The following MCTP1 variants were observed in gnomAD, a reference collection of about 807,000 sequenced individuals.
MCTP1 encodes multiple C2 and transmembrane domain containing 1.
A neutral mutation model predicts 120.6 loss-of-function variants in MCTP1; 69 were observed. That is an observed-to-expected ratio of 0.57 (90% CI 0.47 to 0.70). The LOEUF (loss-of-function observed/expected upper bound fraction) is 0.70, where lower values mean the gene tolerates loss of function less well. Among genes scored for constraint, MCTP1 ranks in the 30% least tolerant of loss-of-function variants. The pLI is 0.00. For synonymous variants in MCTP1, 529 were observed against 493.1 expected, an observed-to-expected ratio of 1.07 and a Z score of -0.96; for missense variants, 1,203 against 1,248.8, an observed-to-expected ratio of 0.96 and a Z score of 0.55.
intron 19 of MCTP1, among the ~76,000 whole-genome samples, chr5:94,778,166 T>C (rs1345069719): frequency 6.6e-6 from 1 of 152,068 alleles, no homozygotes; most frequent in Non-Finnish European, 1.5e-5. Context: ...AATTAAAATA[T>C]ACTGTTTTCC....
In MCTP1 at chr5:95,226,607, T is replaced by C. The variant is rs544242841; in HGVS notation, c.720+57249A>G. Among the ~76,000 whole-genome samples, 27 of 152,232 alleles carry C rather than the reference T, an allele frequency of 1.8e-4. No homozygotes were observed. In the East Asian group the frequency reaches 5.0e-3, roughly 28 times the overall value. ...TCAGAACACCTTTTTTTTTTTAACTTGCCAACTATGGAGGGCTCCTTTCTC... is the reference window on the plus strand; with the variant it reads ...TCAGAACACCTTTTTTTTTTTAACTCGCCAACTATGGAGGGCTCCTTTCTC... On this transcript the variant is annotated intron_variant, in intron 1 of 22. Transcript: ENST00000515393.
chr5:95,053,975 C>T (rs1324661269), intron 1 of MCTP1, among the ~76,000 whole-genome samples: 2 of 152,216 alleles, frequency 1.3e-5, no homozygotes, highest in Non-Finnish European at 2.9e-5. Flanking sequence ...TAAGATTAAC[C>T]TTGGGCTTTT....
chr5:95,182,274 A>G (rs1176764099), intron 1 of MCTP1, among the ~76,000 whole-genome samples: 2 of 152,208 alleles, frequency 1.3e-5, no homozygotes, highest in Non-Finnish European at 2.9e-5. Context: ...CATGATATTG[A>G]AGGCACAAAG....
Position 94,894,718 on chromosome 5 carries a change from G to A in MCTP1, c.1770C>T (p.Val590=). Residue 590 remains valine (V), a synonymous_variant, in exon 11 of 23, where the codon GTC becomes GTT. Coordinates refer to ENST00000515393, the MANE Select transcript of MCTP1 (RefSeq NM_024717.7). ...AGTTGACAGACAGGTCAGAGATGCT[G>A]ACTGTGGCTGATGCTGTCAGAGTGA... is the stretch of plus-strand genomic sequence containing the variant. ...LLVTLTASAT[V]SISDLSVNSL... 4 of 1,613,874 alleles carry A rather than the reference G, an allele frequency of 2.5e-6. No homozygotes were observed. In the South Asian group the frequency reaches 4.4e-5, roughly 18 times the overall value.
intron 2 of MCTP1, chr5:94,976,662 A>ATAC (rs1487151741): frequency 6.6e-6 from 1 of 152,076 alleles, no homozygotes; most frequent in Non-Finnish European, 1.5e-5. Flanking sequence ...ACATACAGTA[A>ATAC]AAACATTCTT....
chr5:94,974,865 A>G (rs1827749018), intron 2 of MCTP1, among the ~76,000 whole-genome samples: 1 of 152,186 alleles, frequency 6.6e-6, no homozygotes, highest in Non-Finnish European at 1.5e-5. Flanking sequence ...AAGCAATTAT[A>G]TTACAATGTG....
chr5:94,925,615 T>C (rs1288226805), intron 6 of MCTP1, among the ~76,000 whole-genome samples: 1 of 152,174 alleles, frequency 6.6e-6, no homozygotes, highest in Non-Finnish European at 1.5e-5. Context: ...TTCACTGTGT[T>C]AGCCAGAATG....
chr5:94,722,334 A>T (rs1252062088), intron 19 of MCTP1, among the ~76,000 whole-genome samples: 1 of 152,166 alleles, frequency 6.6e-6, no homozygotes, highest in Non-Finnish European at 1.5e-5. Context: ...TTTCCTGCCG[A>T]GCTGTGTCCT....
At chr5:95,279,623 C>T (rs1185036115) in intron 1 of MCTP1, among the ~76,000 whole-genome samples, 1 of 152,186 alleles carries the variant, frequency 6.6e-6, no homozygotes, top group Non-Finnish European at 1.5e-5. Flanking sequence ...TGAACACTTG[C>T]TATAGTTTAA....
At position 94,873,203 on chromosome 5, in the gene MCTP1, C is replaced by G; in HGVS notation, c.1972G>C (p.Asp658His). The stretch of plus-strand genomic sequence containing the variant: ...TAGACAGTATGTGTTAGCAGTCTAT[C>G]GTTGTTCAGTTCTACCACACAAAAT... ...DPFCVVELNN[D>H]RLLTHTVYKN... is the part of the protein sequence containing the mutation. The change falls in exon 13 of 23, where the codon GAT (aspartate) becomes CAT (histidine). Residue 658 changes from aspartate to histidine, a missense_variant. Transcript: ENST00000515393. 1 of 1,610,992 alleles carries G rather than the reference C, an allele frequency of 6.2e-7. No individual in the cohort carries two copies. Among genetic ancestry groups the G allele is most frequent in the Non-Finnish European group, 8.5e-7 (1 of 1,177,794 alleles).
chr5:95,005,348 G>A (rs753311372), intron 2 of MCTP1, among the ~76,000 whole-genome samples: 1 of 152,132 alleles, frequency 6.6e-6, no homozygotes, highest in African/African-American at 2.4e-5. Context: ...AGTTAATGCT[G>A]TAATGAGTTA....
intron 1 of MCTP1, among the ~76,000 whole-genome samples, chr5:95,062,033 T>G (rs1749367771): frequency 6.6e-6 from 1 of 152,224 alleles, no homozygotes; most frequent in South Asian, 2.1e-4. Context: ...AGGTAATGGT[T>G]CTTATCCAAG....
At chr5:95,064,456 A>G (rs574872956) in intron 1 of MCTP1, among the ~76,000 whole-genome samples, 3 of 152,242 alleles carry the variant, frequency 2.0e-5, no homozygotes, top group Non-Finnish European at 4.4e-5. Context: ...ATTTACAAAT[A>G]CCCAATTTTA....
chr5:94,839,854 A>ACAT (rs1270418888), intron 17 of MCTP1, among the ~76,000 whole-genome samples: 1 of 152,246 alleles, frequency 6.6e-6, no homozygotes, highest in South Asian at 2.1e-4. Flanking sequence ...TATAAAGATC[A>ACAT]CATGATGACA....
At chr5:94,955,110 A>C (rs1822220694) in intron 2 of MCTP1, among the ~76,000 whole-genome samples, 1 of 152,120 alleles carries the variant, frequency 6.6e-6, no homozygotes, top group Non-Finnish European at 1.5e-5. Flanking sequence ...CAGCCCACAG[A>C]GGGTGAGCAG....
chr5:94,961,121 A>G (rs1160863771), intron 2 of MCTP1, among the ~76,000 whole-genome samples: 2 of 152,196 alleles, frequency 1.3e-5, no homozygotes, highest in African/African-American at 2.4e-5. Context: ...TGTCCTTTGT[A>G]GGGACATGGA....
chr5:94,874,585 G>T lies in MCTP1; in HGVS notation c.1934-1344C>A, dbSNP rs144221700. 2.6e-5 allele frequency among the ~76,000 whole-genome samples: 4 copies of T among 152,184 alleles called. No homozygotes were observed. In the East Asian group the frequency reaches 7.7e-4, roughly 29 times the overall value. ...GGAACAATTTTAAATAAAGAATAGA[G>T]AACTGGAAGTCTTAAAGGTCTGGTG... is the stretch of plus-strand genomic sequence containing the variant. On this transcript the variant is annotated intron_variant, in intron 12 of 22. Transcript: ENST00000515393.
chr5:94,742,639 C>CT (rs199581292), intron 19 of MCTP1, among the ~76,000 whole-genome samples: 65 of 147,030 alleles, frequency 4.4e-4, no homozygotes, highest in Middle Eastern at 3.4e-3. Flanking sequence ...AAGCCTTTTT[C>CT]TTTTTTTTTT....
At chr5:95,251,819 C>A in intron 1 of MCTP1, among the ~76,000 whole-genome samples, 1 of 152,006 alleles carries the variant, frequency 6.6e-6, no homozygotes, top group South Asian at 2.1e-4. Context: ...ATAATAGATA[C>A]TATTATCCAC....
Sources: gnomAD v4.1 joint callset for allele counts (sites outside exome capture counted in the v4.1 genomes callset) on GRCh38, gnomAD v4.1.1 for gene constraint, MANE v1.5 for transcripts, NCBI Gene and HGNC (gene_info 2026-07-23, HGNC 2026-07-21) for gene names.